Variants in PCDH15 observed in about 807,000 individuals in gnomAD.
PCDH15 encodes protocadherin-15.
A neutral mutation model predicts 178.5 loss-of-function variants in PCDH15; 129 were observed. That is an observed-to-expected ratio of 0.72 (90% CI 0.63 to 0.84). PCDH15 has a LOEUF of 0.84. PCDH15 is among the 40% of genes least tolerant of loss of function. PCDH15 has a pLI of 0.00. For synonymous variants in PCDH15, 800 were observed against 732.0 expected, an observed-to-expected ratio of 1.09 and a Z score of -1.50; for missense variants, 2,230 against 2,099.9, an observed-to-expected ratio of 1.06 and a Z score of -1.21.
intron 1 of PCDH15, among the ~76,000 whole-genome samples, chr10:54,726,665 T>C (rs1591309276): frequency 1.3e-5 from 2 of 151,212 alleles, no homozygotes; most frequent in East Asian, 2.0e-4. Flanking sequence ...TCTAGCAAAA[T>C]GACATAAGAG....
At chr10:53,907,255 T>C (rs1467123110) in intron 25 of PCDH15, 1 of 152,202 alleles carries the variant, frequency 6.6e-6, no homozygotes, top group African/African-American at 2.4e-5. Context: ...GCCTGCTTTT[T>C]ATCTCCTTGA....
intron 25 of PCDH15, among the ~76,000 whole-genome samples, chr10:53,914,746 T>G (rs913980490): frequency 6.6e-6 from 1 of 152,086 alleles, no homozygotes; most frequent in African/African-American, 2.4e-5. Context: ...ACATGTACCC[T>G]AGAACTTAAA....
intron 9 of PCDH15, among the ~76,000 whole-genome samples, chr10:54,216,262 C>T (rs1293366281): frequency 6.6e-6 from 1 of 151,774 alleles, no homozygotes; most frequent in Non-Finnish European, 1.5e-5. Context: ...TCGAGACCAG[C>T]CTGGCCAACA....
chr10:54,228,181 C>G (rs1025608848), intron 9 of PCDH15, among the ~76,000 whole-genome samples: 4 of 152,064 alleles, frequency 2.6e-5, no homozygotes, highest in Non-Finnish European at 5.9e-5. Context: ...AAAGACATAC[C>G]AGAGACTGGG....
At chr10:54,177,264 G>C (rs549400295) in intron 13 of PCDH15, among the ~76,000 whole-genome samples, 3 of 152,198 alleles carry the variant, frequency 2.0e-5, no homozygotes, top group African/African-American at 7.2e-5. Flanking sequence ...ATGATTGTCA[G>C]GGGAAGGAAG....
intron 1 of PCDH15, among the ~76,000 whole-genome samples, chr10:54,726,008 T>C (rs1942443229): frequency 6.7e-6 from 1 of 149,008 alleles, no homozygotes; most frequent in African/African-American, 2.5e-5. Flanking sequence ...AGTACATGCA[T>C]TCAAACCTCA....
chr10:55,595,389 C>T (rs1309640544), intron 2 of PCDH15, among the ~76,000 whole-genome samples: 2 of 151,986 alleles, frequency 1.3e-5, no homozygotes, highest in African/African-American at 2.4e-5. Context: ...TATATGCACA[C>T]CTGGCCTCAT....
chr10:55,458,801 G>A (rs1169544986), intron 2 of PCDH15, among the ~76,000 whole-genome samples: 2 of 152,032 alleles, frequency 1.3e-5, no homozygotes, highest in African/African-American at 2.4e-5. Flanking sequence ...ATCAAATGCT[G>A]TTAAATGACA....
intron 15 of PCDH15, among the ~76,000 whole-genome samples, chr10:54,125,689 T>C (rs1186914243): frequency 6.6e-6 from 1 of 152,178 alleles, no homozygotes; most frequent in Non-Finnish European, 1.5e-5. Context: ...ATAGGAAAAG[T>C]TACTTCTGCT....
intron 10 of PCDH15, among the ~76,000 whole-genome samples, chr10:54,203,938 G>A (rs2050514680): frequency 1.3e-5 from 2 of 152,196 alleles, no homozygotes; most frequent in South Asian, 4.1e-4. Context: ...TTGCTGGAGG[G>A]CTAAATTATA....
intron 2 of PCDH15, among the ~76,000 whole-genome samples, chr10:55,419,667 G>T (rs971882063): frequency 2.6e-5 from 4 of 151,586 alleles, no homozygotes; most frequent in Non-Finnish European, 4.4e-5. Context: ...CAACAGAAAT[G>T]ATTTTTTCTT....
At chr10:54,928,830 A>T (rs187838663) in intron 2 of PCDH15, among the ~76,000 whole-genome samples, 1 of 152,158 alleles carries the variant, frequency 6.6e-6, no homozygotes, top group African/African-American at 2.4e-5. Flanking sequence ...CACCTGTATC[A>T]TTGTATTGTG....
intron 18 of PCDH15, among the ~76,000 whole-genome samples, chr10:54,057,458 T>A (rs913634576): frequency 6.6e-6 from 1 of 152,200 alleles, no homozygotes; most frequent in Non-Finnish European, 1.5e-5. Context: ...TTGGGGCTTG[T>A]AACCTCTGAA....
At chr10:54,041,498 A>T (rs2093543709) in intron 18 of PCDH15, among the ~76,000 whole-genome samples, 1 of 152,086 alleles carries the variant, frequency 6.6e-6, no homozygotes, top group Non-Finnish European at 1.5e-5. Flanking sequence ...TTAAAAAATA[A>T]TTGCCTTTTA....
chr10:54,721,170 G>A (rs1387606850), intron 1 of PCDH15, among the ~76,000 whole-genome samples: 4 of 151,930 alleles, frequency 2.6e-5, no homozygotes, highest in Non-Finnish European at 5.9e-5. Context: ...CAGAAATCAG[G>A]AAAGTTTTTG....
At chr10:54,344,304 G>T (rs1942827805) in intron 6 of PCDH15, among the ~76,000 whole-genome samples, 2 of 151,938 alleles carry the variant, frequency 1.3e-5, no homozygotes, top group Admixed American at 1.3e-4. Flanking sequence ...TGGTTGATTG[G>T]TTTATCCACT....
At chr10:54,048,243 T>A (rs991900981) in intron 18 of PCDH15, among the ~76,000 whole-genome samples, 10 of 152,120 alleles carry the variant, frequency 6.6e-5, no homozygotes, top group Non-Finnish European at 1.5e-4. Context: ...AAATTTTTAA[T>A]GGCCTTATTT....
At chr10:54,025,087 A>G (rs1168805828) in intron 18 of PCDH15, among the ~76,000 whole-genome samples, 2 of 152,160 alleles carry the variant, frequency 1.3e-5, no homozygotes, top group African/African-American at 4.8e-5. Flanking sequence ...ATATAATTGA[A>G]TATTTATTAT....
chr10:54,484,588 T>C (rs977856881), intron 3 of PCDH15, among the ~76,000 whole-genome samples: 3 of 151,692 alleles, frequency 2.0e-5, no homozygotes, highest in African/African-American at 7.3e-5. Flanking sequence ...TAGCTATAAA[T>C]CAGATACAAG....
Sources: allele counts gnomAD v4.1 joint callset (sites outside exome capture counted in the v4.1 genomes callset), GRCh38; gene constraint gnomAD v4.1.1; transcripts MANE v1.5; gene names NCBI Gene and HGNC (gene_info 2026-07-23, HGNC 2026-07-21).